ASMTL: variants seen among roughly 807,000 people sequenced by gnomAD.
ASMTL encodes probable bifunctional dTTP/UTP pyrophosphatase/methyltransferase protein.
ASMTL carries 57 observed loss-of-function variants against 60.3 expected under a neutral mutation model. That is an observed-to-expected ratio of 0.95 (90% CI 0.76 to 1.18). The LOEUF (loss-of-function observed/expected upper bound fraction) is 1.18, where lower values mean the gene tolerates loss of function less well. Among genes scored for constraint, ASMTL ranks in the 50% most tolerant of loss-of-function variants. ASMTL has a pLI of 0.00. For synonymous variants in ASMTL, 419 were observed against 373.0 expected (o/e 1.12, Z -1.42); for missense variants, 981 against 852.6 (o/e 1.15, Z -1.88).
intron 1 of ASMTL, among the ~76,000 whole-genome samples, chrX:1,446,289 C>T (rs1359765970): frequency 6.6e-6 from 1 of 152,096 alleles, no homozygotes; most frequent in East Asian, 1.9e-4. Flanking sequence ...CACTCCTTAC[C>T]CTGCTCCTTT....
chrX:1,435,811 G>C (rs2090951421), intron 3 of ASMTL, 53 bp from the exon 4 acceptor site: 1 of 1,477,728 alleles, frequency 6.8e-7, no homozygotes, highest in African/African-American at 1.4e-5. Flanking sequence ...GGTCAGGCCT[G>C]TGCAAGTCCC....
intron 11 of ASMTL, among the ~76,000 whole-genome samples, chrX:1,417,245 TACAC>T (rs376535845): frequency 0.022 from 3,317 of 147,762 alleles, 108 homozygotes; most frequent in African/African-American, 0.074. Context: ...AGCAGTCACA[TACAC>T]ACACACACCT....
At chrX:1,411,290 T>C (rs1371276687) in intron 12 of ASMTL, among the ~76,000 whole-genome samples, 3 of 152,018 alleles carry the variant, frequency 2.0e-5, no homozygotes. Context: ...GGGAGTCCTG[T>C]TTCAACGCGC....
chrX:1,436,281 C>G (rs2090961512), intron 3 of ASMTL, among the ~76,000 whole-genome samples: 1 of 152,064 alleles, frequency 6.6e-6, no homozygotes, highest in Non-Finnish European at 1.5e-5. Context: ...TCAAGTGATT[C>G]TCCTGCCTCA....
At chrX:1,452,958 G>A (rs755073820), upstream of ASMTL, 5 of 764,862 alleles carry the variant, frequency 6.5e-6, no homozygotes, top group Middle Eastern at 3.8e-4. Context: ...CCACGCCCCC[G>A]CCCGCCTCCG....
Position 1,418,429 on chromosome X carries a change from G to A in ASMTL, c.1379-313C>T, listed in dbSNP as rs180814604. On this transcript the variant is annotated intron_variant, in intron 10 of 12. Transcript: ENST00000381317. ...CAGCCACTCTGGGCCACGTGTAGGG[G>A]GCACAGACCTACAGGGAAATCCTTT... Among the ~76,000 whole-genome samples, 98 of 152,116 alleles carry A rather than the reference G, an allele frequency of 6.4e-4. 1 individual carries two copies. The highest frequency in any genetic ancestry group is 2.3e-3 in the African/African-American group (96 of 41,520).
At position 1,435,098 on chromosome X, in the gene ASMTL, C is replaced by T. The variant is rs376639012; in HGVS notation, c.339-15G>A. On this transcript the variant is annotated splice_polypyrimidine_tract_variant and intron_variant, in intron 4 of 12. Coordinates refer to ENST00000381317, the MANE Select transcript of ASMTL (RefSeq NM_004192.4). The stretch of plus-strand genomic sequence containing the variant: ...TCCCACTCAACCTGTAAGACAACAA[C>T]GGGTGACCACGTGACCATGCTGTGA... 3.0e-5 allele frequency: 49 copies of T among 1,613,740 alleles called. No homozygotes were observed. Among genetic ancestry groups the T allele is most frequent in the Non-Finnish European group, 3.5e-5 (41 of 1,179,762 alleles).
At chrX:1,425,850 C>G (rs2090600193) in intron 7 of ASMTL, 163 bp from the exon 8 acceptor site, 1 of 229,114 alleles carries the variant, frequency 4.4e-6, no homozygotes. Context: ...AAGTCCCCAG[C>G]TATAAAACAA....
intron 1 of ASMTL, among the ~76,000 whole-genome samples, chrX:1,444,997 TTC>T (rs1275912318): frequency 1.5e-4 from 23 of 149,764 alleles, no homozygotes; most frequent in Admixed American, 3.3e-4. Context: ...TTCTTCCCTC[TTC>T]TCTCTCTCTC....
chrX:1,408,109 G>A (rs1329916346), intron 12 of ASMTL, among the ~76,000 whole-genome samples: 1 of 150,564 alleles, frequency 6.6e-6, no homozygotes, highest in East Asian at 2.0e-4. Context: ...GCTGAGGCAG[G>A]AGGATCGCTT....
chrX:1,420,279 C>CTTTCTGTCTCCCTG (rs1175423747), intron 9 of ASMTL, among the ~76,000 whole-genome samples: 2 of 146,272 alleles, frequency 1.4e-5, no homozygotes, highest in East Asian at 2.0e-4. Flanking sequence ...CTGTCTCTGT[C>CTTTCTGTCTCCCTG]TTTCTGTCTC....
At chrX:1,415,393 C>G (rs1429661656) in intron 11 of ASMTL, among the ~76,000 whole-genome samples, 3 of 151,564 alleles carry the variant, frequency 2.0e-5, no homozygotes, top group Non-Finnish European at 4.4e-5. Flanking sequence ...CCCCTCACGT[C>G]TCGGCTACTT....
intron 2 of ASMTL, among the ~76,000 whole-genome samples, chrX:1,440,188 G>A (rs1430772786): frequency 2.6e-5 from 4 of 151,426 alleles, no homozygotes; most frequent in Non-Finnish European, 5.9e-5. Flanking sequence ...CCGGGTTCAC[G>A]CCATTCTCCC....
intron 5 of ASMTL, 153 bp from the exon 6 acceptor site, chrX:1,432,530 CAAGAA>C (rs1437820504): frequency 5.4e-6 from 1 of 183,832 alleles, no homozygotes; most frequent in Non-Finnish European, 1.0e-5. Flanking sequence ...TCATTTCGGA[CAAGAA>C]AAGGGAGAAA....
chrX:1,407,761 G>A (rs1221383531), intron 12 of ASMTL, among the ~76,000 whole-genome samples: 6 of 151,874 alleles, frequency 4.0e-5, no homozygotes, highest in Admixed American at 3.9e-4. Flanking sequence ...TATAAAGAGA[G>A]ACAGAGACAG....
rs1458067947 is a variant in ASMTL, at chrX:1,418,804, C to T, written c.1378+178G>A. On this transcript the variant is annotated intron_variant, in intron 10 of 12. Transcript: ENST00000381317. ...TTCTAGGGGGGCATTTAGGCATCCC[C>T]GGGGTCCTCCTGGAACTTGGGAATA... 4.5e-5 allele frequency: 14 copies of T among 309,974 alleles called. 1 individual carries two copies. Among genetic ancestry groups the T allele is most frequent in the East Asian group, 3.4e-4 (2 of 5,840 alleles). The allele number at this position is 309,974 out of a possible 1,614,324, so 19.2% of individuals were successfully genotyped here. A position where few individuals can be genotyped will look rare whatever the true frequency, so the allele number is the denominator to read the frequency against.
chrX:1,410,577 C>G (rs769886665), intron 12 of ASMTL, among the ~76,000 whole-genome samples: 5 of 152,156 alleles, frequency 3.3e-5, no homozygotes, highest in South Asian at 4.2e-4. Context: ...CTACGCCGGA[C>G]TAATTTTTGT....
In ASMTL at chrX:1,419,056, A is replaced by G; in HGVS notation, c.1304T>C (p.Met435Thr). Residue 435 changes from methionine (M) to threonine (T), a missense_variant, in exon 10 of 13, where the codon ATG becomes ACG. Transcript: ENST00000381317. The part of the protein sequence containing the change: ...RLRFMRAMHG[M>T]TKLTACQVAT... ...CACCTGGCACGCAGTCAGCTTCGTC[A>G]TGCCGTGCATGGCCCGCATGAACCT... The G allele has an allele frequency of 1.9e-6, 3 of 1,611,502 alleles. No homozygotes were observed. Among genetic ancestry groups the G allele is most frequent in the Non-Finnish European group, 2.5e-6 (3 of 1,179,630 alleles).
At position 1,452,770 on chromosome X, in the gene ASMTL, C is replaced by G; in HGVS notation, c.71G>C (p.Arg24Pro). ...RVVLASASPR[R>P]QEILSNAGLR... Reference sequence around the variant, plus strand: ...TACCGCGTTGCTGAGGATCTCCTGACGGCGTGGGGAGGCGCTGGCCAGCAC... The same window carrying G: ...TACCGCGTTGCTGAGGATCTCCTGAGGGCGTGGGGAGGCGCTGGCCAGCAC... Residue 24 changes from arginine (R) to proline (P), a missense_variant, in exon 1 of 13, where the codon CGT becomes CCT. Coordinates refer to ENST00000381317, the MANE Select transcript of ASMTL (RefSeq NM_004192.4). The G allele has an allele frequency of 6.3e-7, 1 of 1,595,918 alleles. No homozygotes were observed. The highest frequency in any genetic ancestry group is 2.2e-5 in the East Asian group (1 of 44,608).
Sources: gnomAD v4.1 joint callset for allele counts (sites outside exome capture counted in the v4.1 genomes callset) on GRCh38, gnomAD v4.1.1 for gene constraint, MANE v1.5 for transcripts, NCBI Gene and HGNC (gene_info 2026-07-23, HGNC 2026-07-21) for gene names.